The following BMP2K variants were observed in gnomAD, a reference collection of about 807,000 sequenced individuals.
The protein encoded by BMP2K is BMP-2-inducible protein kinase.
BMP2K carries 74 observed loss-of-function variants against 116.0 expected under a neutral mutation model. That is an observed-to-expected ratio of 0.64 (90% CI 0.53 to 0.77). BMP2K has a LOEUF of 0.77. Ranked by LOEUF, BMP2K falls within the 30% of genes least tolerant of loss-of-function variation. The pLI is 0.00. For synonymous variants in BMP2K, 486 were observed against 502.5 expected (o/e 0.97, Z 0.44); for missense variants, 1,365 against 1,403.6 (o/e 0.97, Z 0.44).
At chr4:78,898,949 A>C (rs1406216226) in intron 15 of BMP2K, 1 of 152,186 alleles carries the variant, frequency 6.6e-6, no homozygotes, top group African/African-American at 2.4e-5. Context: ...GCAATGCACT[A>C]TGCTGATCCT....
rs761977780 is a variant in BMP2K, at chr4:78,912,047, A to T, written c.*14A>T. 5.8e-6 allele frequency: 9 copies of T among 1,564,684 alleles called. No individual in the cohort carries two copies. The East Asian group carries it at 1.6e-4, about 27-fold the overall frequency. On this transcript the variant is annotated 3_prime_UTR_variant, in exon 16 of 16. Coordinates refer to ENST00000502613, the MANE Select transcript of BMP2K (RefSeq NM_198892.2). The stretch of plus-strand genomic sequence containing the variant: ...TCTAAACAGTAGATACTTCTGATGG[A>T]TTCTCGGCATTAACTCCTGTTTCAA...
intron 1 of BMP2K, among the ~76,000 whole-genome samples, chr4:78,794,002 G>A (rs1159019369): frequency 2.6e-5 from 4 of 152,142 alleles, no homozygotes; most frequent in Non-Finnish European, 5.9e-5. Context: ...TGCAGTTGGG[G>A]TTATTCGCCT....
At chr4:78,835,954 A>G (rs1047701420) in intron 3 of BMP2K, among the ~76,000 whole-genome samples, 1 of 151,270 alleles carries the variant, frequency 6.6e-6, no homozygotes, top group Non-Finnish European at 1.5e-5. Context: ...CTTCTAGTAT[A>G]GATATTCTCA....
chr4:78,860,480 AC>A (rs1731718579), intron 8 of BMP2K, among the ~76,000 whole-genome samples: 1 of 151,918 alleles, frequency 6.6e-6, no homozygotes, highest in Non-Finnish European at 1.5e-5. Flanking sequence ...TATAAGGATT[AC>A]ATGTGAAACC....
chr4:78,783,085 AT>A (rs1727583760), intron 1 of BMP2K, among the ~76,000 whole-genome samples: 1 of 152,220 alleles, frequency 6.6e-6, no homozygotes, highest in Admixed American at 6.5e-5. Context: ...TTTGGAAATT[AT>A]AGTGACTTTA....
At chr4:78,797,429 G>A (rs1728352448) in intron 1 of BMP2K, among the ~76,000 whole-genome samples, 1 of 152,042 alleles carries the variant, frequency 6.6e-6, no homozygotes, top group Non-Finnish European at 1.5e-5. Context: ...TTTCATCTAG[G>A]GTCCTTTATT....
intron 1 of BMP2K, among the ~76,000 whole-genome samples, chr4:78,792,481 T>G (rs2109936180): frequency 6.6e-6 from 1 of 152,328 alleles, no homozygotes; most frequent in South Asian, 2.1e-4. Flanking sequence ...TGGCAGACAT[T>G]TTCTTAAAAG....
intron 15 of BMP2K, chr4:78,888,144 G>A (rs761362185): frequency 6.6e-6 from 1 of 152,138 alleles, no homozygotes; most frequent in Non-Finnish European, 1.5e-5. Context: ...GACTTGTTTG[G>A]TTATCTGGAA....
chr4:78,821,689 A>G (rs1399808683), intron 1 of BMP2K, among the ~76,000 whole-genome samples: 2 of 152,168 alleles, frequency 1.3e-5, no homozygotes, highest in East Asian at 1.9e-4. Flanking sequence ...CCTATTTGCC[A>G]GTGAACTACT....
chr4:78,880,482 A>G (rs1732842344), intron 14 of BMP2K, among the ~76,000 whole-genome samples: 1 of 152,256 alleles, frequency 6.6e-6, no homozygotes, highest in African/African-American at 2.4e-5. Flanking sequence ...ACCAGGGTTT[A>G]CTAAATTAGT....
chr4:78,819,071 A>C (rs1297384101), intron 1 of BMP2K, among the ~76,000 whole-genome samples: 2 of 152,190 alleles, frequency 1.3e-5, no homozygotes, highest in Non-Finnish European at 2.9e-5. Context: ...GAGTAGGCAT[A>C]CAATATTATT....
At chr4:78,797,104 A>G (rs1728332015) in intron 1 of BMP2K, among the ~76,000 whole-genome samples, 1 of 152,148 alleles carries the variant, frequency 6.6e-6, no homozygotes, top group Non-Finnish European at 1.5e-5. Context: ...AAAACATTGT[A>G]ATTTTGGGGA....
intron 15 of BMP2K, among the ~76,000 whole-genome samples, chr4:78,903,745 C>T (rs889642451): frequency 1.3e-5 from 2 of 152,020 alleles, no homozygotes; most frequent in Non-Finnish European, 2.9e-5. Context: ...ACAAAAGAGT[C>T]TTCATCCTGT....
At chr4:78,904,854 TTTA>T in intron 15 of BMP2K, among the ~76,000 whole-genome samples, 2 of 152,086 alleles carry the variant, frequency 1.3e-5, no homozygotes, top group South Asian at 4.1e-4. Flanking sequence ...AGTCTATGAT[TTTA>T]TTATTTTAAC....
intron 15 of BMP2K, among the ~76,000 whole-genome samples, chr4:78,909,593 T>C (rs186049513): frequency 1.1e-3 from 162 of 152,330 alleles, no homozygotes; most frequent in Non-Finnish European, 8.5e-4. Flanking sequence ...AATATGTCTT[T>C]ATATATGCCA....
intron 15 of BMP2K, among the ~76,000 whole-genome samples, chr4:78,904,032 C>G (rs1265921489): frequency 4.0e-5 from 6 of 151,864 alleles, no homozygotes; most frequent in African/African-American, 7.2e-5. Flanking sequence ...TCTCAGAATC[C>G]TTTCTTATGC....
chr4:78,802,995 G>A (rs778571071), intron 1 of BMP2K, among the ~76,000 whole-genome samples: 5 of 151,906 alleles, frequency 3.3e-5, no homozygotes, highest in East Asian at 1.9e-4. Context: ...GATTACAGGC[G>A]CCTGCCACCA....
chr4:78,832,536 A>G (rs949196098), intron 2 of BMP2K, among the ~76,000 whole-genome samples: 12 of 152,188 alleles, frequency 7.9e-5, no homozygotes, highest in African/African-American at 2.9e-4. Flanking sequence ...TGTACAGTTA[A>G]GGCTGTTAGC....
chr4:78,910,853 AAGG>A lies in BMP2K; in HGVS notation c.2309_2311del (p.Gly770del), dbSNP rs1560559849. ...GATGAAGAAGTTCTTCAGGGGGAAC[AAGG>A]AGATTTTAATGATGATGATACTGAA... On this transcript the variant is annotated inframe_deletion, in exon 16 of 16. Coordinates refer to ENST00000502613, the MANE Select transcript of BMP2K (RefSeq NM_198892.2). 1 of 1,613,992 alleles carries A rather than the reference AAGG, an allele frequency of 6.2e-7. No individual in the cohort carries two copies. Among genetic ancestry groups the A allele is most frequent in the African/African-American group, 1.3e-5 (1 of 75,040 alleles).
Sources: gnomAD v4.1 joint callset for allele counts (sites outside exome capture counted in the v4.1 genomes callset) on GRCh38, gnomAD v4.1.1 for gene constraint, MANE v1.5 for transcripts, NCBI Gene and HGNC (gene_info 2026-07-23, HGNC 2026-07-21) for gene names.